Variants in NEXMIF observed in about 807,000 individuals in gnomAD.
NEXMIF encodes neurite extension and migration factor.
A neutral mutation model predicts 62.1 loss-of-function variants in NEXMIF; 8 were observed. The observed-to-expected ratio is 0.13, with a 90% CI of 0.08 to 0.23. The LOEUF is 0.23. Ranked by LOEUF, NEXMIF falls within the 10% of genes least tolerant of loss-of-function variation. The pLI is 1.00. For synonymous variants in NEXMIF, 404 were observed against 416.6 expected (o/e 0.97, Z 0.37); for missense variants, 976 against 1,113.3 (o/e 0.88, Z 1.75).
chrX:74,788,090 G>C (rs1037520623), intron 1 of NEXMIF, among the ~76,000 whole-genome samples: 3 of 111,489 alleles, frequency 2.7e-5, no homozygotes, highest in Non-Finnish European at 5.6e-5. Context: ...AAATAATGTG[G>C]ATTTTATGAG....
At chrX:74,768,638 A>T (rs1188268125) in intron 1 of NEXMIF, among the ~76,000 whole-genome samples, 2 of 111,922 alleles carry the variant, frequency 1.8e-5, no homozygotes, top group African/African-American at 6.5e-5. Context: ...CATAGGGAAA[A>T]CAGTGAGCTC....
At chrX:74,821,648 A>G (rs2080396480) in intron 1 of NEXMIF, among the ~76,000 whole-genome samples, 1 of 112,192 alleles carries the variant, frequency 8.9e-6, no homozygotes, top group Admixed American at 9.4e-5. Flanking sequence ...TCTTTTACCT[A>G]AGTAGCAAGA....
intron 1 of NEXMIF, among the ~76,000 whole-genome samples, chrX:74,880,665 T>C (rs1253091890): frequency 8.9e-6 from 1 of 112,099 alleles, no homozygotes; most frequent in Non-Finnish European, 1.9e-5. Flanking sequence ...AATGTCAAAG[T>C]TGAAGATTAA....
At chrX:74,851,893 G>A (rs767164506) in intron 1 of NEXMIF, among the ~76,000 whole-genome samples, 3 of 111,470 alleles carry the variant, frequency 2.7e-5, no homozygotes, top group African/African-American at 9.8e-5. Flanking sequence ...CAATAAGACA[G>A]AAAGAAAGAC....
In NEXMIF at chrX:74,743,888, A is replaced by T. The variant is rs758858673; in HGVS notation, c.669T>A (p.Pro223=). 3.3e-5 allele frequency: 40 copies of T among 1,209,545 alleles called. No individual in the cohort carries two copies. Among genetic ancestry groups the T allele is most frequent in the Non-Finnish European group, 4.4e-5 (39 of 895,044 alleles). Residue 223 remains proline, a synonymous_variant, in exon 3 of 4, where the codon CCT becomes CCA. Coordinates refer to ENST00000055682, the MANE Select transcript of NEXMIF (RefSeq NM_001008537.3). ...RAGDRRETEK[P]DIDLEDPAQK... ...GAGCCGGATCCTCCAAGTCAATGTC[A>T]GGTTTCTCAGTTTCTCGTCTGTCTC...
intron 1 of NEXMIF, among the ~76,000 whole-genome samples, chrX:74,797,221 A>G: frequency 8.9e-6 from 1 of 112,343 alleles, no homozygotes. Context: ...GACTAAGGAC[A>G]CATGATGATT....
At chrX:74,783,730 G>C (rs956140646) in intron 1 of NEXMIF, among the ~76,000 whole-genome samples, 1 of 111,620 alleles carries the variant, frequency 9.0e-6, no homozygotes, top group Non-Finnish European at 1.9e-5. Flanking sequence ...GTATAAAGCA[G>C]ACAAAGAGGC....
intron 1 of NEXMIF, among the ~76,000 whole-genome samples, chrX:74,924,643 AG>A (rs1479171461): frequency 8.8e-6 from 1 of 113,465 alleles, no homozygotes; most frequent in Non-Finnish European, 1.9e-5. Context: ...GCGCAAGCAC[AG>A]AGGCCTTTCC....
chrX:74,745,795 A>T (rs1321601137), intron 1 of NEXMIF, 98 bp from the exon 2 acceptor site: 1 of 446,835 alleles, frequency 2.2e-6, no homozygotes, highest in Admixed American at 3.8e-5. Flanking sequence ...GCTCACTGGG[A>T]TTTACCTGTT....
intron 1 of NEXMIF, among the ~76,000 whole-genome samples, chrX:74,834,883 T>C (rs750169959): frequency 8.9e-6 from 1 of 111,930 alleles, no homozygotes; most frequent in African/African-American, 3.2e-5. Context: ...TCCCCCTGAA[T>C]AAAATTTCTA....
At chrX:74,813,412 AAAG>A (rs1241048469) in intron 1 of NEXMIF, among the ~76,000 whole-genome samples, 1 of 112,249 alleles carries the variant, frequency 8.9e-6, no homozygotes, top group Non-Finnish European at 1.9e-5. Flanking sequence ...TTCCTTTAGA[AAAG>A]AAGCTTTTCC....
chrX:74,804,176 G>C lies in NEXMIF; in HGVS notation c.-47-58479C>G, dbSNP rs751799038. On this transcript the variant is annotated intron_variant, in intron 1 of 3. Coordinates refer to ENST00000055682, the MANE Select transcript of NEXMIF (RefSeq NM_001008537.3). Reference sequence around the variant, plus strand: ...ACTCGGGAGATGAAGTTAAGGAATAGAGTTTTTATTGGTTTTCTTTTTGCT... The same window carrying C: ...ACTCGGGAGATGAAGTTAAGGAATACAGTTTTTATTGGTTTTCTTTTTGCT... 1.6e-3 allele frequency among the ~76,000 whole-genome samples: 175 copies of C among 112,492 alleles called. 1 individual carries two copies. Among genetic ancestry groups the C allele is most frequent in the Non-Finnish European group, 6.4e-4 (34 of 53,276 alleles).
chrX:74,791,575 TG>T (rs1018881635), intron 1 of NEXMIF, among the ~76,000 whole-genome samples: 9 of 111,847 alleles, frequency 8.0e-5, no homozygotes, highest in African/African-American at 2.9e-4. Flanking sequence ...CTTGTACCTC[TG>T]GTAGAATTCG....
intron 1 of NEXMIF, among the ~76,000 whole-genome samples, chrX:74,831,387 C>T (rs1487682328): frequency 1.1e-5 from 1 of 89,637 alleles, no homozygotes; most frequent in African/African-American, 4.2e-5. Context: ...TGTCCCCCTT[C>T]CTGTGTCCAT....
intron 1 of NEXMIF, among the ~76,000 whole-genome samples, chrX:74,881,874 C>T (rs2080665889): frequency 9.0e-6 from 1 of 111,643 alleles, no homozygotes; most frequent in African/African-American, 3.3e-5. Context: ...CTAGAAGTCC[C>T]TCTGAGCAAC....
intron 1 of NEXMIF, among the ~76,000 whole-genome samples, chrX:74,749,812 A>C (rs2080136610): frequency 8.9e-6 from 1 of 111,776 alleles, no homozygotes; most frequent in Admixed American, 9.6e-5. Context: ...CCAAAAGACT[A>C]AGCACCAACA....
At chrX:74,882,968 G>C (rs941644788) in intron 1 of NEXMIF, among the ~76,000 whole-genome samples, 2 of 111,324 alleles carry the variant, frequency 1.8e-5, no homozygotes, top group African/African-American at 6.5e-5. Context: ...AATGATCAGG[G>C]AGCAGCATTT....
At chrX:74,898,046 G>A (rs1392665868) in intron 1 of NEXMIF, among the ~76,000 whole-genome samples, 1 of 111,670 alleles carries the variant, frequency 9.0e-6, no homozygotes, top group Non-Finnish European at 1.9e-5. Flanking sequence ...TAATGTAGGT[G>A]GATACTCCAT....
intron 1 of NEXMIF, among the ~76,000 whole-genome samples, chrX:74,837,947 A>ATG (rs139974058): frequency 1.9e-3 from 217 of 111,676 alleles, no homozygotes; most frequent in Non-Finnish European, 3.7e-3. Context: ...GTTTCTATGT[A>ATG]TGTGTGTGTG....
Sources: allele counts gnomAD v4.1 joint callset (sites outside exome capture counted in the v4.1 genomes callset), GRCh38; gene constraint gnomAD v4.1.1; transcripts MANE v1.5; gene names NCBI Gene and HGNC (gene_info 2026-07-23, HGNC 2026-07-21).